Variants in DSG3 observed in about 807,000 individuals in gnomAD.
The protein encoded by DSG3 is desmoglein 3.
Under a neutral mutation model 85.9 loss-of-function variants are expected in DSG3, and 63 were observed. That is an observed-to-expected ratio of 0.73 (90% CI 0.60 to 0.90). The LOEUF is 0.90. DSG3 is among the 40% of genes least tolerant of loss of function. The probability of loss-of-function intolerance (pLI) is 0.00; values close to 1 mark genes in which losing one functional copy is unlikely to be tolerated. For synonymous variants in DSG3, 447 were observed against 441.9 expected (o/e 1.01, Z -0.14); for missense variants, 1,220 against 1,219.9 (o/e 1.00, Z 0.00).
At chr18:31,466,114 C>A (rs373303096) in intron 10 of DSG3, among the ~76,000 whole-genome samples, 9 of 151,902 alleles carry the variant, frequency 5.9e-5, no homozygotes, top group Admixed American at 6.6e-5. Flanking sequence ...TAAACTTTAA[C>A]ATTTTGAGTA....
intron 14 of DSG3, 59 bp from the exon 15 acceptor site, chr18:31,474,062 T>C: frequency 6.5e-7 from 1 of 1,548,022 alleles, no homozygotes; most frequent in Non-Finnish European, 8.8e-7. Context: ...AGACCCATTT[T>C]ATAAAAATGC....
Position 31,465,437 on chromosome 18 carries a change from C to A in DSG3, c.1391C>A (p.Ala464Asp). The change falls in exon 10 of 16, where the codon GCT (alanine) becomes GAT (aspartate). Residue 464 changes from alanine (A) to aspartate (D), a missense_variant. Ala to Asp is a moderately radical substitution (Grantham distance 126). Coordinates refer to ENST00000257189, the MANE Select transcript of DSG3 (RefSeq NM_001944.3). ...STFIVNKTIT[A>D]EVLAIDEYTG... is the part of the protein sequence containing the mutation. ...TTCATAGTTAACAAAACAATCACAG[C>A]TGAGGTTCTGGCCATAGATGGTAAG... The A allele has an allele frequency of 2.0e-6, 3 of 1,518,602 alleles. No individual in the cohort carries two copies. The highest frequency in any genetic ancestry group is 1.8e-6 in the Non-Finnish European group (2 of 1,136,562). The allele number at this position is 1,518,602 out of a possible 1,614,324, so 94.1% of individuals were successfully genotyped here.
intron 12 of DSG3, 42 bp downstream of exon 12, chr18:31,469,391 T>A: frequency 6.2e-7 from 1 of 1,605,792 alleles, no homozygotes. Context: ...CCAGGTGTCC[T>A]CATTTGCAAA....
rs762494545 is a variant in DSG3, at chr18:31,472,432, C to T, written c.2037+9C>T. ...CCCATCCTGAAGACAAGGTAAGCAT[C>T]CAGTTCATAAATTATGTATTTCAAT... On this transcript the variant is annotated intron_variant, in intron 13 of 15. Transcript: ENST00000257189. 5.6e-6 allele frequency: 9 copies of T among 1,607,072 alleles called. No homozygotes were observed. The highest frequency in any genetic ancestry group is 7.6e-6 in the Non-Finnish European group (9 of 1,177,954).
intron 3 of DSG3, among the ~76,000 whole-genome samples, 199 bp downstream of exon 3, chr18:31,457,323 AAAAGAATTGAGAC>A (rs1159347111): frequency 2.6e-5 from 4 of 152,264 alleles, no homozygotes; most frequent in African/African-American, 4.8e-5. Context: ...AGGGTTATGA[AAAAGAATTGAGAC>A]AAAGAATTGA....
At chr18:31,459,338 T>G (rs1361361368) in intron 5 of DSG3, among the ~76,000 whole-genome samples, 161 bp downstream of exon 5, 1 of 152,236 alleles carries the variant, frequency 6.6e-6, no homozygotes, top group East Asian at 1.9e-4. Flanking sequence ...CTTTCTAAAA[T>G]GTGTATTTGA....
chr18:31,452,612 A>G (rs576772239), intron 1 of DSG3, among the ~76,000 whole-genome samples: 2 of 151,936 alleles, frequency 1.3e-5, no homozygotes, highest in Admixed American at 1.3e-4. Flanking sequence ...TGGCAATTTA[A>G]TAAAACTAAC....
chr18:31,457,635 T>C (rs2072756993), intron 3 of DSG3, among the ~76,000 whole-genome samples: 1 of 140,200 alleles, frequency 7.1e-6, no homozygotes, highest in Non-Finnish European at 1.5e-5. Context: ...TTTCTTTCTT[T>C]CTTTCTTTTT....
In DSG3 at chr18:31,476,087, C is replaced by T. The variant is rs1364576246; in HGVS notation, c.2827C>T (p.Leu943Phe). 6 of 1,614,098 alleles carry T rather than the reference C, an allele frequency of 3.7e-6. No individual in the cohort carries two copies. The highest frequency in any genetic ancestry group is 5.1e-6 in the Non-Finnish European group (6 of 1,180,062). Reference protein sequence around the residue: ...VTETYSASGSLVQPSTAGFDP... With the variant: ...VTETYSASGSFVQPSTAGFDP... ...GGAGACTTACTCGGCTTCTGGTTCCCTCGTGCAACCTTCCACTGCAGGCTT... is the reference window on the plus strand; with the variant it reads ...GGAGACTTACTCGGCTTCTGGTTCCTTCGTGCAACCTTCCACTGCAGGCTT... The change falls in exon 16 of 16, where the codon CTC becomes TTC. Residue 943 changes from leucine (L) to phenylalanine (F), a missense_variant. Coordinates refer to ENST00000257189, the MANE Select transcript of DSG3 (RefSeq NM_001944.3).
intron 1 of DSG3, 74 bp from the exon 2 acceptor site, chr18:31,456,366 C>A: frequency 2.2e-6 from 2 of 920,930 alleles, no homozygotes; most frequent in South Asian, 3.9e-5. Flanking sequence ...ATATAATAAT[C>A]AGGATTATTC....
At chr18:31,469,403 G>A (rs2144283430) in intron 12 of DSG3, 54 bp downstream of exon 12, 1 of 1,600,330 alleles carries the variant, frequency 6.2e-7, no homozygotes, top group Non-Finnish European at 8.5e-7. Flanking sequence ...ATTTGCAAAG[G>A]CCTCCATGCT....
At position 31,476,550 on chromosome 18, in the gene DSG3, TTC is replaced by T. The variant is rs2072889545; in HGVS notation, c.*291_*292del. 3.5e-6 allele frequency: 1 copy of T among 289,438 alleles called. No individual in the cohort carries two copies. The highest frequency in any genetic ancestry group is 6.4e-6 in the Non-Finnish European group (1 of 156,812). The allele number at this position is 289,438 out of a possible 1,614,324, so 17.9% of individuals were successfully genotyped here. A position where few individuals can be genotyped will look rare whatever the true frequency, so the allele number is the denominator to read the frequency against. ...CCTAAACATTCTTAAGCTTCTATTT[TTC>T]CCCTGCCAAAGGAAGGTGTTTATCA... is the stretch of plus-strand genomic sequence containing the variant. On this transcript the variant is annotated 3_prime_UTR_variant, in exon 16 of 16. Coordinates refer to ENST00000257189, the MANE Select transcript of DSG3 (RefSeq NM_001944.3).
In DSG3 at chr18:31,469,292, G is replaced by A. The variant is rs1247866654; in HGVS notation, c.1840G>A (p.Gly614Arg). The change falls in exon 12 of 16, where the codon GGG becomes AGG. Residue 614 changes from glycine to arginine, a missense_variant. Coordinates refer to ENST00000257189, the MANE Select transcript of DSG3 (RefSeq NM_001944.3). Reference protein sequence around the residue: ...PGTRYGRPHSGRLGPAAIGLL... With the variant: ...PGTRYGRPHSRRLGPAAIGLL... ...GACCAGGTATGGCAGGCCGCACTCA[G>A]GGAGGCTGGGGCCTGCCGCCATCGG... 6.2e-7 allele frequency: 1 copy of A among 1,613,892 alleles called. No homozygotes were observed. Among genetic ancestry groups the A allele is most frequent in the African/African-American group, 1.3e-5 (1 of 75,056 alleles).
At position 31,477,024 on chromosome 18, in the gene DSG3, G is replaced by A. The variant is rs1433058617; in HGVS notation, c.*764G>A. The A allele has an allele frequency of 6.6e-6, 1 of 151,844 alleles. No individual in the cohort carries two copies. Among genetic ancestry groups the A allele is most frequent in the African/African-American group, 2.4e-5 (1 of 41,368 alleles). 9.4% of individuals were successfully genotyped at this position (151,844 alleles called of 1,614,324 possible). ...TTGCTAAAGCATTTTGAGCTGCTTG[G>A]AAAAAGGGAAGTAGTTGCAGTAGAG... is the stretch of plus-strand genomic sequence containing the variant. On this transcript the variant is annotated 3_prime_UTR_variant, in exon 16 of 16. Coordinates refer to ENST00000257189, the MANE Select transcript of DSG3 (RefSeq NM_001944.3).
chr18:31,458,697 A>G (rs2072764783), intron 4 of DSG3, 97 bp downstream of exon 4: 5 of 1,347,562 alleles, frequency 3.7e-6, no homozygotes, highest in Non-Finnish European at 5.1e-6. Context: ...AGGAGAGTTC[A>G]GTACATGCAT....
At chr18:31,473,998 A>T in intron 14 of DSG3, 123 bp from the exon 15 acceptor site, 1 of 880,316 alleles carries the variant, frequency 1.1e-6, no homozygotes, top group Non-Finnish European at 1.7e-6. Flanking sequence ...CTAGTCATAT[A>T]ATTGTATTTT....
chr18:31,450,896 T>A (rs1246370923), intron 1 of DSG3, among the ~76,000 whole-genome samples: 1 of 152,202 alleles, frequency 6.6e-6, no homozygotes, highest in Non-Finnish European at 1.5e-5. Flanking sequence ...CTTCACATTG[T>A]GTCTTACTAT....
intron 11 of DSG3, among the ~76,000 whole-genome samples, chr18:31,467,069 G>A (rs752173651): frequency 7.9e-5 from 12 of 152,128 alleles, no homozygotes; most frequent in South Asian, 4.2e-4. Context: ...GGTGGGGCAC[G>A]GTGGCTCACA....
chr18:31,468,230 T>C lies in DSG3; in HGVS notation c.1637-859T>C, dbSNP rs149357738. 1.1e-3 allele frequency among the ~76,000 whole-genome samples: 160 copies of C among 152,320 alleles called. No individual in the cohort carries two copies. In the Middle Eastern group the frequency reaches 0.017, roughly 16 times the overall value. On this transcript the variant is annotated intron_variant, in intron 11 of 15. Transcript: ENST00000257189. ...AGGCCATCACCACAAGGAAATCCCA[T>C]ATCATAGACCTGCAGCTCACGGGAT...
Sources: gnomAD v4.1 joint callset for allele counts (sites outside exome capture counted in the v4.1 genomes callset) on GRCh38, gnomAD v4.1.1 for gene constraint, MANE v1.5 for transcripts, NCBI Gene and HGNC (gene_info 2026-07-23, HGNC 2026-07-21) for gene names.